Variants in RAD51B observed in about 807,000 individuals in gnomAD.
RAD51B encodes the protein RAD51 paralog B.
Under a neutral mutation model 42.2 loss-of-function variants are expected in RAD51B, and 38 were observed. The ratio of observed to expected loss-of-function variants is 0.90; its 90% CI spans 0.70 to 1.18. RAD51B has a LOEUF of 1.18. RAD51B is among the 50% of genes most tolerant of loss of function. The probability of loss-of-function intolerance (pLI) is 0.00; values close to 1 mark genes in which losing one functional copy is unlikely to be tolerated. For missense variants in RAD51B, 373 were observed against 400.7 expected (o/e 0.93, Z 0.59); for synonymous variants, 154 against 145.2 (o/e 1.06, Z -0.43).
rs112886411 is a variant in RAD51B at position 68,442,786 on chromosome 14, A to ATAT, written c.958-25363_958-25361dup. 5.9e-3 allele frequency among the ~76,000 whole-genome samples: 886 copies of ATAT among 150,628 alleles called. 6 individuals carry two copies. The highest frequency in any genetic ancestry group is 0.016 in the African/African-American group (658 of 41,198). On this transcript the variant is annotated intron_variant, in intron 9 of 10. Transcript: ENST00000471583. ...CATTTATTCTTTATGCTAACCTGTG[A>ATAT]TATTATTATTATTATTATTATTATT...
chr14:68,338,702 T>A, intron 8 of RAD51B: 1 of 277,676 alleles, frequency 3.6e-6, no homozygotes, highest in South Asian at 4.1e-5. Context: ...ATTATTTTTA[T>A]GGACAGAAAA....
At chr14:68,666,385 T>C (rs2140150447) in intron 11 of RAD51B, among the ~76,000 whole-genome samples, 1 of 152,340 alleles carries the variant, frequency 6.6e-6, no homozygotes, top group South Asian at 2.1e-4. Context: ...TGTTTAAAAA[T>C]ACATTCCTAA....
intron 7 of RAD51B, among the ~76,000 whole-genome samples, chr14:68,017,163 G>A (rs2075789619): frequency 6.6e-6 from 1 of 151,626 alleles, no homozygotes; most frequent in Non-Finnish European, 1.5e-5. Flanking sequence ...CTAGTTTTTT[G>A]TTGAATTACA....
chr14:68,460,411 C>G (rs972676872), intron 9 of RAD51B, among the ~76,000 whole-genome samples: 9 of 152,076 alleles, frequency 5.9e-5, no homozygotes, highest in Admixed American at 5.9e-4. Context: ...CAAGATCACA[C>G]CACTGCACTC....
At chr14:67,830,338 G>A (rs1158437241) in intron 3 of RAD51B, among the ~76,000 whole-genome samples, 1 of 152,100 alleles carries the variant, frequency 6.6e-6, no homozygotes, top group African/African-American at 2.4e-5. Flanking sequence ...AAAAAGTGAT[G>A]GTGACTTATA....
intron 8 of RAD51B, among the ~76,000 whole-genome samples, chr14:68,311,550 A>C (rs1325274939): frequency 2.6e-5 from 4 of 152,166 alleles, no homozygotes. Flanking sequence ...AGAAGACTCC[A>C]CCCATAGATG....
chr14:68,477,165 C>T (rs968327874), intron 10 of RAD51B, among the ~76,000 whole-genome samples: 5 of 152,308 alleles, frequency 3.3e-5, no homozygotes, highest in South Asian at 2.1e-4. Flanking sequence ...CGTCCCTATG[C>T]GAGGCCAAGT....
At chr14:67,820,193 A>T (rs1446745509) in intron 1 of RAD51B, among the ~76,000 whole-genome samples, 4 of 151,380 alleles carry the variant, frequency 2.6e-5, no homozygotes, top group Admixed American at 2.6e-4. Context: ...AAGTTGAGGG[A>T]CTCTCCCACT....
intron 7 of RAD51B, among the ~76,000 whole-genome samples, chr14:67,978,309 C>A (rs1236635239): frequency 6.6e-6 from 1 of 152,044 alleles, no homozygotes; most frequent in Middle Eastern, 3.2e-3. Flanking sequence ...GTTCTTGATT[C>A]TTACCTTTTA....
intron 10 of RAD51B, among the ~76,000 whole-genome samples, chr14:68,489,202 T>A (rs1467185020): frequency 6.6e-6 from 1 of 152,152 alleles, no homozygotes; most frequent in Non-Finnish European, 1.5e-5. Flanking sequence ...ATGAATGCTC[T>A]TGTAGTCCGA....
intron 10 of RAD51B, among the ~76,000 whole-genome samples, chr14:68,592,253 ATG>A (rs55833641): frequency 0.035 from 4,926 of 139,360 alleles, 125 homozygotes; most frequent in African/African-American, 0.079. Flanking sequence ...GTAGGCAATG[ATG>A]TGTGTGTGTG....
intron 8 of RAD51B, among the ~76,000 whole-genome samples, chr14:68,297,000 A>G (rs1376564721): frequency 1.3e-5 from 2 of 152,226 alleles, no homozygotes; most frequent in Non-Finnish European, 2.9e-5. Flanking sequence ...TTCTGGTTGG[A>G]GTCAGGGGAA....
intron 9 of RAD51B, among the ~76,000 whole-genome samples, chr14:68,423,654 G>C (rs981031976): frequency 6.6e-6 from 1 of 152,104 alleles, no homozygotes; most frequent in Non-Finnish European, 1.5e-5. Flanking sequence ...TGAGTACCAT[G>C]TTCATGTAAG....
chr14:68,206,439 T>G (rs1442820805), intron 7 of RAD51B, among the ~76,000 whole-genome samples: 2 of 152,222 alleles, frequency 1.3e-5, no homozygotes, highest in Admixed American at 6.5e-5. Context: ...ATAAGATGAC[T>G]GAAAAATCAT....
At chr14:68,092,889 C>A (rs1336060808) in intron 7 of RAD51B, among the ~76,000 whole-genome samples, 1 of 151,332 alleles carries the variant, frequency 6.6e-6, no homozygotes, top group African/African-American at 2.4e-5. Flanking sequence ...TACCTAATTT[C>A]TTGAGAATTT....
intron 10 of RAD51B, among the ~76,000 whole-genome samples, chr14:68,549,662 T>C (rs915710552): frequency 2.7e-5 from 4 of 150,536 alleles, no homozygotes; most frequent in Non-Finnish European, 3.0e-5. Context: ...GATCCGCCCG[T>C]CTCGGCCTCC....
At chr14:67,923,720 T>C (rs542922555) in intron 7 of RAD51B, among the ~76,000 whole-genome samples, 2 of 152,374 alleles carry the variant, frequency 1.3e-5, no homozygotes, top group African/African-American at 2.4e-5. Flanking sequence ...TGTAATGACT[T>C]CTTTTCCTCT....
rs142031268 is a variant in RAD51B, at chr14:68,476,420, G to A, written c.1037-1228G>A. Among the ~76,000 whole-genome samples, 9 of 152,202 alleles carry A rather than the reference G, an allele frequency of 5.9e-5. No homozygotes were observed. In the East Asian group the frequency reaches 1.7e-3, roughly 29 times the overall value. ...TCATGCTGACTAATGTGTTCTAAAT[G>A]GATTGACTCAACAATAAAGGCAACG... On this transcript the variant is annotated intron_variant, in intron 10 of 10. Coordinates refer to ENST00000471583, the MANE Select transcript of RAD51B (RefSeq NM_133510.4).
chr14:68,142,966 G>A (rs189399257), intron 7 of RAD51B, among the ~76,000 whole-genome samples: 2 of 148,848 alleles, frequency 1.3e-5, no homozygotes, highest in Non-Finnish European at 3.0e-5. Flanking sequence ...CAGCCTGGGC[G>A]ACAGAGCAAG....
Sources: gnomAD v4.1 joint callset for allele counts (sites outside exome capture counted in the v4.1 genomes callset) on GRCh38, gnomAD v4.1.1 for gene constraint, MANE v1.5 for transcripts, NCBI Gene and HGNC (gene_info 2026-07-23, HGNC 2026-07-21) for gene names.